MACROD2: variants seen among roughly 807,000 people sequenced by gnomAD.
MACROD2 encodes the protein mono-ADP ribosylhydrolase 2.
A neutral mutation model predicts 70.4 loss-of-function variants in MACROD2; 36 were observed. The observed-to-expected ratio is 0.51, with a 90% confidence interval of 0.39 to 0.68. MACROD2 has a LOEUF of 0.68. Ranked by LOEUF, MACROD2 falls within the 30% of genes least tolerant of loss-of-function variation. The pLI, the probability that MACROD2 is intolerant of heterozygous loss-of-function variation, is 0.00. For missense variants in MACROD2, 496 were observed against 538.4 expected (o/e 0.92, Z 0.78); for synonymous variants, 172 against 178.8 (o/e 0.96, Z 0.30).
At position 14,800,162 on chromosome 20, in the gene MACROD2, C is replaced by A. The variant is rs144827138; in HGVS notation, c.418+115203C>A. On this transcript the variant is annotated intron_variant, in intron 5 of 17. Coordinates refer to ENST00000684519, the MANE Select transcript of MACROD2 (RefSeq NM_001351661.2). ...CTATGACTTCAGTTTTTTTTTTTTC[C>A]TGCTCCATTTTAGGTAAGTTAGTCA... Among the ~76,000 whole-genome samples, 121 of 150,772 alleles carry A rather than the reference C, an allele frequency of 8.0e-4. 2 individuals carry two copies. Among genetic ancestry groups the A allele is most frequent in the African/African-American group, 2.9e-3 (118 of 41,074 alleles).
intron 8 of MACROD2, among the ~76,000 whole-genome samples, chr20:15,684,742 T>C (rs1568973686): frequency 6.6e-6 from 1 of 152,204 alleles, no homozygotes; most frequent in African/African-American, 2.4e-5. Context: ...GGAGGAGATA[T>C]AGTATGCACT....
intron 8 of MACROD2, among the ~76,000 whole-genome samples, chr20:15,563,881 A>T (rs1006960196): frequency 1.3e-5 from 2 of 152,228 alleles, no homozygotes; most frequent in Non-Finnish European, 2.9e-5. Flanking sequence ...TTCCATGCAT[A>T]TGATTCCATT....
At chr20:14,166,611 A>G (rs1484477470) in intron 3 of MACROD2, among the ~76,000 whole-genome samples, 1 of 152,204 alleles carries the variant, frequency 6.6e-6, no homozygotes, top group Non-Finnish European at 1.5e-5. Flanking sequence ...CAGACAGTCC[A>G]GGTTCAGCAT....
At chr20:15,374,984 A>C (rs576313227) in intron 6 of MACROD2, among the ~76,000 whole-genome samples, 142 of 152,296 alleles carry the variant, frequency 9.3e-4, no homozygotes, top group African/African-American at 3.3e-3. Context: ...GACTTAAAAG[A>C]GGGGCTTATT....
intron 3 of MACROD2, among the ~76,000 whole-genome samples, chr20:14,340,613 A>T (rs535119109): frequency 1.6e-4 from 24 of 152,192 alleles, no homozygotes; most frequent in African/African-American, 5.3e-4. Context: ...TACACATCTC[A>T]TGACCTCATG....
rs894871627 is a variant in MACROD2, at chr20:16,050,255, T to C, written c.*379T>C. 7 of 167,474 alleles carry C rather than the reference T, an allele frequency of 4.2e-5. No homozygotes were observed. Among genetic ancestry groups the C allele is most frequent in the African/African-American group, 1.7e-4 (7 of 41,726 alleles). 10.4% of individuals were successfully genotyped at this position (167,474 alleles called of 1,614,324 possible). On this transcript the variant is annotated 3_prime_UTR_variant, in exon 18 of 18. Coordinates refer to ENST00000684519, the MANE Select transcript of MACROD2 (RefSeq NM_001351661.2). ...ACAAAGCTGGTCACACAGTGGTTTA[T>C]TCAAAGGAAGGGGAGGAAGACAGTG...
At chr20:15,854,408 C>T (rs6105478) in intron 8 of MACROD2, among the ~76,000 whole-genome samples, 1 of 152,244 alleles carries the variant, frequency 6.6e-6, no homozygotes, top group African/African-American at 2.4e-5. Flanking sequence ...GACCTCAGTC[C>T]TGCAACTGCA....
chr20:14,531,331 G>T (rs145816277), intron 4 of MACROD2, among the ~76,000 whole-genome samples: 3,492 of 152,300 alleles, frequency 0.023, 72 homozygotes, highest in Non-Finnish European at 0.03. Context: ...GGGATACACA[G>T]GGAAGGTCAG....
At chr20:14,013,273 CTTTTTT>C (rs770856375) in intron 2 of MACROD2, among the ~76,000 whole-genome samples, 1 of 128,720 alleles carries the variant, frequency 7.8e-6, no homozygotes, top group Non-Finnish European at 1.6e-5. Context: ...ACTGTACTTT[CTTTTTT>C]TTTTTTTTTT....
chr20:14,966,356 G>A (rs570821149), intron 5 of MACROD2, among the ~76,000 whole-genome samples: 6 of 152,236 alleles, frequency 3.9e-5, no homozygotes, highest in South Asian at 2.1e-4. Flanking sequence ...CAGGGGGAGC[G>A]TTTGAGCCCA....
chr20:15,580,747 A>G (rs528648941), intron 8 of MACROD2, among the ~76,000 whole-genome samples: 3 of 152,312 alleles, frequency 2.0e-5, no homozygotes, highest in Non-Finnish European at 4.4e-5. Flanking sequence ...GGGGAGAACC[A>G]GAGTGATTAC....
chr20:15,535,870 G>A (rs1023159992), intron 8 of MACROD2, among the ~76,000 whole-genome samples: 1 of 152,144 alleles, frequency 6.6e-6, no homozygotes, highest in Non-Finnish European at 1.5e-5. Flanking sequence ...AATGCCTATT[G>A]ATAAATATCT....
At chr20:15,918,615 A>G (rs2065355107) in intron 10 of MACROD2, among the ~76,000 whole-genome samples, 1 of 152,240 alleles carries the variant, frequency 6.6e-6, no homozygotes, top group Non-Finnish European at 1.5e-5. Flanking sequence ...TATCAAGTCC[A>G]AGATCATCTG....
intron 5 of MACROD2, among the ~76,000 whole-genome samples, chr20:14,704,687 A>G (rs1481603174): frequency 6.6e-6 from 1 of 152,142 alleles, no homozygotes; most frequent in Non-Finnish European, 1.5e-5. Flanking sequence ...CTCTAGCTTG[A>G]TTCCACAGCC....
chr20:15,587,782 C>T (rs992661020), intron 8 of MACROD2, among the ~76,000 whole-genome samples: 10 of 152,174 alleles, frequency 6.6e-5, no homozygotes, highest in African/African-American at 2.4e-4. Flanking sequence ...GGTGGGTTCC[C>T]ATGGTCTTGG....
At chr20:14,742,027 G>C (rs1250976484) in intron 5 of MACROD2, among the ~76,000 whole-genome samples, 4 of 152,060 alleles carry the variant, frequency 2.6e-5, no homozygotes, top group Non-Finnish European at 4.4e-5. Flanking sequence ...AAGAGTATTT[G>C]GAAACACAGA....
chr20:15,632,537 G>A (rs569343395), intron 8 of MACROD2, among the ~76,000 whole-genome samples: 3 of 152,236 alleles, frequency 2.0e-5, no homozygotes, highest in Admixed American at 1.3e-4. Context: ...AAAAGAGACA[G>A]GACCAGGAAA....
intron 3 of MACROD2, among the ~76,000 whole-genome samples, chr20:14,314,576 C>G (rs1002802389): frequency 6.6e-6 from 1 of 152,116 alleles, no homozygotes; most frequent in African/African-American, 2.4e-5. Flanking sequence ...GCCTGACCAA[C>G]ATGGAGAAAC....
chr20:15,431,009 C>T (rs944128696), intron 6 of MACROD2, among the ~76,000 whole-genome samples: 42 of 151,884 alleles, frequency 2.8e-4, no homozygotes, highest in African/African-American at 9.4e-4. Context: ...CATACACATA[C>T]GACAGACACA....
Sources: gnomAD v4.1 joint callset for allele counts (sites outside exome capture counted in the v4.1 genomes callset) on GRCh38, gnomAD v4.1.1 for gene constraint, MANE v1.5 for transcripts, NCBI Gene and HGNC (gene_info 2026-07-23, HGNC 2026-07-21) for gene names.